Variants in GNB1L observed in about 807,000 individuals in gnomAD.
The protein encoded by GNB1L is guanine nucleotide-binding protein subunit beta-like protein 1.
A neutral mutation model predicts 29.1 loss-of-function variants in GNB1L; 20 were observed. The ratio of observed to expected loss-of-function variants is 0.69; its 90% confidence interval spans 0.48 to 1.00. The LOEUF (loss-of-function observed/expected upper bound fraction) is 1.00. Ranked by LOEUF, GNB1L falls within the 50% of genes least tolerant of loss-of-function variation. GNB1L has a pLI of 0.00. For synonymous variants in GNB1L, 193 were observed against 206.5 expected, an observed-to-expected ratio of 0.93 and a Z score of 0.56; for missense variants, 421 against 464.9, an observed-to-expected ratio of 0.91 and a Z score of 0.87.
rs977537664 is a variant in GNB1L at position 19,800,834 on chromosome 22, G to A, written c.732+1167C>T. ...CCCTCTGTGTATCCTAGTCTCACCAGGGCATGTCCTTCCGCAGCTCCACCA... is the reference window on the plus strand; with the variant it reads ...CCCTCTGTGTATCCTAGTCTCACCAAGGCATGTCCTTCCGCAGCTCCACCA... On this transcript the variant is annotated intron_variant, in intron 7 of 7. Coordinates refer to ENST00000329517, the MANE Select transcript of GNB1L (RefSeq NM_053004.3). 2.0e-5 allele frequency among the ~76,000 whole-genome samples: 3 copies of A among 152,346 alleles called. 1 individual carries two copies. In the Middle Eastern group the frequency reaches 0.01, roughly 518 times the overall value.
At chr22:19,842,610 G>C (rs76818386) in intron 2 of GNB1L, among the ~76,000 whole-genome samples, 6,057 of 152,300 alleles carry the variant, frequency 0.04, 395 homozygotes, top group African/African-American at 0.14. Context: ...TGCCAGGGAG[G>C]GCTGCAGAAA....
At chr22:19,848,130 C>A in intron 2 of GNB1L, 1 of 984,404 alleles carries the variant, frequency 1.0e-6, no homozygotes, top group Non-Finnish European at 1.2e-6. Context: ...ATCCTTAGTA[C>A]TTCCTATTTT....
chr22:19,812,034 C>T (rs959083838), intron 5 of GNB1L, among the ~76,000 whole-genome samples: 3 of 152,178 alleles, frequency 2.0e-5, no homozygotes, highest in African/African-American at 7.2e-5. Flanking sequence ...CCCAGGCCTC[C>T]AAAACACCGG....
intron 4 of GNB1L, among the ~76,000 whole-genome samples, chr22:19,820,358 G>A (rs1443746015): frequency 6.6e-6 from 1 of 152,222 alleles, no homozygotes; most frequent in Admixed American, 6.5e-5. Context: ...GGCACCTCCT[G>A]GCTCCAGCTT....
chr22:19,846,929 C>T, intron 2 of GNB1L: 1 of 985,418 alleles, frequency 1.0e-6, no homozygotes, highest in Non-Finnish European at 1.2e-6. Context: ...GGTATGTTGC[C>T]CTGGGATGGA....
chr22:19,842,955 T>C (rs989223625), intron 2 of GNB1L, among the ~76,000 whole-genome samples: 7 of 152,224 alleles, frequency 4.6e-5, no homozygotes, highest in Non-Finnish European at 1.0e-4. Flanking sequence ...TAACTCAAAC[T>C]TCACAAAGAA....
At chr22:19,810,764 G>A (rs780183878) in intron 5 of GNB1L, among the ~76,000 whole-genome samples, 24 of 152,352 alleles carry the variant, frequency 1.6e-4, no homozygotes, top group African/African-American at 3.6e-4. Context: ...GCTTTCTCCC[G>A]CCCAGTCTGA....
chr22:19,806,137 G>A (rs1366368500), intron 6 of GNB1L, among the ~76,000 whole-genome samples: 1 of 152,222 alleles, frequency 6.6e-6, no homozygotes, highest in Admixed American at 6.5e-5. Flanking sequence ...GAACAGTTGA[G>A]AAGGAAGGAA....
At chr22:19,842,847 G>C (rs1937885481) in intron 2 of GNB1L, among the ~76,000 whole-genome samples, 1 of 152,170 alleles carries the variant, frequency 6.6e-6, no homozygotes, top group Non-Finnish European at 1.5e-5. Flanking sequence ...GCTCAAGCTG[G>C]CCACACAGCA....
At chr22:19,792,706 C>T in intron 7 of GNB1L, 2 of 1,470,222 alleles carry the variant, frequency 1.4e-6, no homozygotes, top group South Asian at 2.3e-5. Context: ...GTCCTTCGAG[C>T]AGGAGTTAAC....
At chr22:19,790,243 AAT>A (rs141980695) in intron 7 of GNB1L, among the ~76,000 whole-genome samples, 16,373 of 152,180 alleles carry the variant, frequency 0.11, 1,416 homozygotes, top group East Asian at 0.44. Flanking sequence ...GCTCTAAGAC[AAT>A]ATGGGGATTA....
chr22:19,842,066 G>A (rs1937871580), intron 2 of GNB1L, among the ~76,000 whole-genome samples: 1 of 152,194 alleles, frequency 6.6e-6, no homozygotes, highest in South Asian at 2.1e-4. Context: ...GGCTACACCT[G>A]GAACCAGAAA....
At chr22:19,825,474 T>C (rs1937613203) in intron 2 of GNB1L, among the ~76,000 whole-genome samples, 1 of 149,722 alleles carries the variant, frequency 6.7e-6, no homozygotes, top group African/African-American at 2.5e-5. Flanking sequence ...AAAAATAAAT[T>C]AGCCAGGTGT....
At chr22:19,790,458 A>T (rs1442676718) in intron 7 of GNB1L, among the ~76,000 whole-genome samples, 2 of 152,126 alleles carry the variant, frequency 1.3e-5, no homozygotes, top group Admixed American at 1.3e-4. Flanking sequence ...CTCCTCTCCC[A>T]CCTCACTGTA....
intron 2 of GNB1L, chr22:19,848,992 A>G: frequency 1.0e-6 from 1 of 985,538 alleles, no homozygotes; most frequent in Non-Finnish European, 1.2e-6. Context: ...CACTGGAGGT[A>G]GGCATCAGGG....
chr22:19,834,877 C>T lies in GNB1L; in HGVS notation c.-20-13502G>A, dbSNP rs142969905. Among the ~76,000 whole-genome samples, 268 of 152,094 alleles carry T rather than the reference C, an allele frequency of 1.8e-3. 4 individuals carry two copies. Among genetic ancestry groups the T allele is most frequent in the African/African-American group, 6.2e-3 (258 of 41,524 alleles). ...CCAATCACTACAATAAACATAAATG[C>T]TCCCAACATGCTAATTATAAGACCC... On this transcript the variant is annotated intron_variant, in intron 2 of 7. Coordinates refer to ENST00000329517, the MANE Select transcript of GNB1L (RefSeq NM_053004.3).
At chr22:19,827,545 G>C (rs1273235755) in intron 2 of GNB1L, among the ~76,000 whole-genome samples, 1 of 152,126 alleles carries the variant, frequency 6.6e-6, no homozygotes, top group African/African-American at 2.4e-5. Context: ...CAAAAGGCTT[G>C]GACAGATATT....
intron 4 of GNB1L, among the ~76,000 whole-genome samples, chr22:19,817,737 G>A (rs1937541591): frequency 6.6e-6 from 1 of 152,198 alleles, no homozygotes. Flanking sequence ...AGGGAGAGCA[G>A]GTGGCAGCAG....
rs1001082054 is a variant in GNB1L at position 19,783,442 on chromosome 22, C to T, written c.*5267G>A. ...GTTCACTTAAAGGCCATGAGTTACTCGGGAGGCTGAGGCAGGAGGATCACT... is the reference window on the plus strand; with the variant it reads ...GTTCACTTAAAGGCCATGAGTTACTTGGGAGGCTGAGGCAGGAGGATCACT... On this transcript the variant is annotated 3_prime_UTR_variant, in exon 8 of 8. Transcript: ENST00000329517. The T allele has an allele frequency of 1.4e-5, 4 of 288,472 alleles. No individual in the cohort carries two copies. Among genetic ancestry groups the T allele is most frequent in the East Asian group, 9.0e-5 (1 of 11,064 alleles). 17.9% of individuals were successfully genotyped at this position (288,472 alleles called of 1,614,324 possible).
Sources: allele counts gnomAD v4.1 joint callset (sites outside exome capture counted in the v4.1 genomes callset), GRCh38; gene constraint gnomAD v4.1.1; transcripts MANE v1.5; gene names NCBI Gene and HGNC (gene_info 2026-07-23, HGNC 2026-07-21).